DIS3L2: variants seen among roughly 807,000 people sequenced by gnomAD.
The protein encoded by DIS3L2 is DIS3 like 3'-5' exoribonuclease 2, also known as DIS3-like exonuclease 2.
DIS3L2 carries 34 observed loss-of-function variants against 97.5 expected under a neutral mutation model. The ratio of observed to expected loss-of-function variants is 0.35; its 90% CI spans 0.27 to 0.46. The LOEUF is 0.46. Ranked by LOEUF, DIS3L2 falls within the 20% of genes least tolerant of loss-of-function variation. The pLI, the probability that DIS3L2 is intolerant of heterozygous loss-of-function variation, is 1.00. For missense variants in DIS3L2, 1,038 were observed against 1,146.0 expected (o/e 0.91, Z 1.36); for synonymous variants, 435 against 445.2 (o/e 0.98, Z 0.29).
At chr2:232,223,465 TAA>T (rs1462421054) in intron 10 of DIS3L2, among the ~76,000 whole-genome samples, 1 of 152,218 alleles carries the variant, frequency 6.6e-6, no homozygotes, top group Non-Finnish European at 1.5e-5. Flanking sequence ...TATGAAAAAC[TAA>T]AAGAGCTAAG....
chr2:232,228,213 G>A (rs1448487864), intron 10 of DIS3L2, among the ~76,000 whole-genome samples: 6 of 152,144 alleles, frequency 3.9e-5, no homozygotes, highest in Non-Finnish European at 7.4e-5. Context: ...TGATCCACCC[G>A]CCTCAGCTTC....
chr2:232,199,484 G>T (rs1286913627), intron 9 of DIS3L2, among the ~76,000 whole-genome samples: 1 of 152,152 alleles, frequency 6.6e-6, no homozygotes. Context: ...GGGTTTATCT[G>T]TGTGCTTGGT....
At chr2:232,094,278 G>T (rs1696933498) in intron 6 of DIS3L2, among the ~76,000 whole-genome samples, 2 of 152,178 alleles carry the variant, frequency 1.3e-5, no homozygotes, top group African/African-American at 2.4e-5. Flanking sequence ...CTAAGGAAAA[G>T]AATGTGTATT....
chr2:232,086,545 A>T (rs1183292331), intron 5 of DIS3L2, among the ~76,000 whole-genome samples: 1 of 145,860 alleles, frequency 6.9e-6, no homozygotes, highest in African/African-American at 2.5e-5. Flanking sequence ...CATTAGTGGC[A>T]GAAATAAATA....
chr2:231,998,508 A>C (rs574454286), intron 1 of DIS3L2, among the ~76,000 whole-genome samples: 1 of 152,226 alleles, frequency 6.6e-6, no homozygotes, highest in Non-Finnish European at 1.5e-5. Context: ...TTAGTGCTTC[A>C]TATCAGGAGA....
intron 9 of DIS3L2, among the ~76,000 whole-genome samples, chr2:232,168,661 T>A (rs1690893887): frequency 6.6e-6 from 1 of 152,166 alleles, no homozygotes; most frequent in Admixed American, 6.5e-5. Flanking sequence ...ACGCCAACTT[T>A]TTCATCTGTA....
chr2:232,048,649 G>A (rs1184656637), intron 5 of DIS3L2, among the ~76,000 whole-genome samples: 2 of 151,834 alleles, frequency 1.3e-5, no homozygotes, highest in African/African-American at 2.4e-5. Flanking sequence ...GAAGAATGGC[G>A]TGAACCTGGG....
At chr2:232,164,612 A>G (rs908235965) in intron 9 of DIS3L2, among the ~76,000 whole-genome samples, 1 of 152,020 alleles carries the variant, frequency 6.6e-6, no homozygotes, top group African/African-American at 2.4e-5. Flanking sequence ...CCTTCTTACT[A>G]TTGTATCTTT....
chr2:232,271,726 TG>T (rs1218602302), intron 13 of DIS3L2, among the ~76,000 whole-genome samples: 2 of 152,064 alleles, frequency 1.3e-5, no homozygotes, highest in Non-Finnish European at 2.9e-5. Flanking sequence ...ACAGCCTCCG[TG>T]GAAGAGAGTG....
At chr2:232,300,522 A>G (rs943129784) in intron 14 of DIS3L2, among the ~76,000 whole-genome samples, 2 of 151,966 alleles carry the variant, frequency 1.3e-5, no homozygotes, top group Admixed American at 1.3e-4. Flanking sequence ...GTGATTATCT[A>G]CCTTGTAAAT....
chr2:232,095,789 G>A (rs982224421), intron 6 of DIS3L2, among the ~76,000 whole-genome samples: 2 of 152,050 alleles, frequency 1.3e-5, no homozygotes, highest in African/African-American at 4.8e-5. Context: ...GTCTGGGAAA[G>A]TCTTTATTTC....
intron 5 of DIS3L2, among the ~76,000 whole-genome samples, chr2:232,035,661 G>C (rs1003920230): frequency 1.3e-5 from 2 of 152,036 alleles, no homozygotes; most frequent in East Asian, 3.9e-4. Flanking sequence ...TCCATATTTA[G>C]TGCTTCCTTC....
chr2:232,159,963 C>T (rs1027222951), intron 8 of DIS3L2, among the ~76,000 whole-genome samples: 1 of 152,260 alleles, frequency 6.6e-6, no homozygotes, highest in South Asian at 2.1e-4. Flanking sequence ...CATGATGTAT[C>T]ACCTTTTTTA....
rs992446889 is a variant in DIS3L2 at position 232,110,323 on chromosome 2, C to T, written c.602-20296C>T. Among the ~76,000 whole-genome samples the T allele has an allele frequency of 5.9e-5, 9 of 152,098 alleles. 1 individual carries two copies. Among genetic ancestry groups the T allele is most frequent in the Admixed American group, 5.9e-4 (9 of 15,276 alleles). On this transcript the variant is annotated intron_variant, in intron 6 of 20. Transcript: ENST00000325385. ...ACCTAGAGCCAGAAATACCATTTGA[C>T]CCAGCAATCTCATTACTTGATATAT...
At chr2:232,047,019 C>T (rs1695261366) in intron 5 of DIS3L2, among the ~76,000 whole-genome samples, 1 of 152,176 alleles carries the variant, frequency 6.6e-6, no homozygotes, top group Non-Finnish European at 1.5e-5. Context: ...TCCAGCTTCA[C>T]TCATTTTTTT....
At chr2:232,139,378 G>T (rs1698448115) in intron 8 of DIS3L2, among the ~76,000 whole-genome samples, 1 of 152,312 alleles carries the variant, frequency 6.6e-6, no homozygotes, top group East Asian at 1.9e-4. Flanking sequence ...GGCACTGCCA[G>T]TCCTATGGCA....
intron 5 of DIS3L2, among the ~76,000 whole-genome samples, chr2:232,062,873 C>CCCTTCCTT (rs1197928264): frequency 6.6e-6 from 1 of 151,474 alleles, no homozygotes; most frequent in African/African-American, 2.4e-5. Flanking sequence ...TCCCTTCCTT[C>CCCTTCCTT]CCTTCCTTCC....
chr2:232,081,540 CTT>C (rs1189702799), intron 5 of DIS3L2, among the ~76,000 whole-genome samples: 1 of 151,658 alleles, frequency 6.6e-6, no homozygotes, highest in African/African-American at 2.4e-5. Flanking sequence ...TAAAGAAAAA[CTT>C]TACCTCATCA....
At chr2:232,183,768 A>C (rs758891793) in intron 9 of DIS3L2, among the ~76,000 whole-genome samples, 2 of 152,234 alleles carry the variant, frequency 1.3e-5, no homozygotes, top group South Asian at 2.1e-4. Context: ...CCCTGGGGCT[A>C]TAAGGCTGTT....
Sources: gnomAD v4.1 joint callset for allele counts (sites outside exome capture counted in the v4.1 genomes callset) on GRCh38, gnomAD v4.1.1 for gene constraint, MANE v1.5 for transcripts, NCBI Gene and HGNC (gene_info 2026-07-23, HGNC 2026-07-21) for gene names.